Variants in GRB14 observed in about 807,000 individuals in gnomAD.
The protein encoded by GRB14 is growth factor receptor-bound protein 14.
Under a neutral mutation model 69.1 loss-of-function variants are expected in GRB14, and 38 were observed. The observed-to-expected ratio is 0.55, with a 90% confidence interval of 0.42 to 0.72. The LOEUF is 0.72. GRB14 is among the 30% of genes least tolerant of loss of function. The pLI is 0.00. For synonymous variants in GRB14, 247 were observed against 241.3 expected (o/e 1.02, Z -0.22); for missense variants, 666 against 666.1 (o/e 1.00, Z 0.00).
At chr2:164,547,924 T>A (rs556257563) in intron 2 of GRB14, 108 bp from the exon 3 acceptor site, 1 of 645,610 alleles carries the variant, frequency 1.5e-6, no homozygotes, top group African/African-American at 1.8e-5. Context: ...GAGATATATA[T>A]AAATAAATAG....
intron 1 of GRB14, 60 bp from the exon 2 acceptor site, chr2:164,619,879 G>A (rs756399615): frequency 1.4e-6 from 2 of 1,437,106 alleles, no homozygotes; most frequent in Non-Finnish European, 1.9e-6. Context: ...TATAATTGCT[G>A]TCAGGAATAA....
intron 2 of GRB14, among the ~76,000 whole-genome samples, chr2:164,561,450 T>C (rs1330720281): frequency 6.6e-6 from 1 of 152,190 alleles, no homozygotes; most frequent in Non-Finnish European, 1.5e-5. Context: ...TGAATCACTA[T>C]GTCTTTGAGG....
rs926316586 is a variant in GRB14 at position 164,621,333 on chromosome 2, C to A, written c.-24G>T. The A allele has an allele frequency of 7.8e-7, 1 of 1,278,300 alleles. No homozygotes were observed. Among genetic ancestry groups the A allele is most frequent in the South Asian group, 3.4e-5 (1 of 29,230 alleles). The allele number at this position is 1,278,300 out of a possible 1,614,324, so 79.2% of individuals were successfully genotyped here. On this transcript the variant is annotated 5_prime_UTR_variant, in exon 1 of 14. Coordinates refer to ENST00000263915, the MANE Select transcript of GRB14 (RefSeq NM_004490.3). This position sits in a 1 kb window ranked among gnomAD's most constrained non-coding sequence, Gnocchi z 6.0. ...ATTGTCGCCGGCCGGGGGGCTCGGG[C>A]GTCATGGGAGACTCGGCGCGTGGGG...
intron 2 of GRB14, among the ~76,000 whole-genome samples, chr2:164,601,181 T>C (rs1416953728): frequency 1.3e-5 from 2 of 152,106 alleles, no homozygotes; most frequent in African/African-American, 2.4e-5. Context: ...CTTAGAATGA[T>C]CCAATTTCCC....
At chr2:164,605,367 T>G (rs1486532076) in intron 2 of GRB14, among the ~76,000 whole-genome samples, 1 of 152,158 alleles carries the variant, frequency 6.6e-6, no homozygotes, top group African/African-American at 2.4e-5. Context: ...GGAAGAGTAT[T>G]CACTTGTTTT....
chr2:164,620,785 T>C (rs1045324568), intron 1 of GRB14, among the ~76,000 whole-genome samples: 2 of 152,174 alleles, frequency 1.3e-5, no homozygotes, highest in African/African-American at 2.4e-5. Context: ...TTTTAAAATA[T>C]ATAAAATAAA....
Position 164,580,096 on chromosome 2 carries a change from ATTTTT to A in GRB14, c.325-32285_325-32281del, listed in dbSNP as rs57336288. ...TATTTCTAGTAGCATTCTATGATAC[ATTTTT>A]TTTTTTTTTTTGAGACAGAGTCTTG... is the stretch of plus-strand genomic sequence containing the variant. On this transcript the variant is annotated intron_variant, in intron 2 of 13. Coordinates refer to ENST00000263915, the MANE Select transcript of GRB14 (RefSeq NM_004490.3). Among the ~76,000 whole-genome samples the A allele has an allele frequency of 9.6e-4, 128 of 133,412 alleles. 2 individuals carry two copies. The highest frequency in any genetic ancestry group is 3.3e-3 in the African/African-American group (119 of 36,588). 87.5% of individuals were successfully genotyped at this position (133,412 alleles called of 152,430 possible).
At chr2:164,550,674 A>C (rs1484192809) in intron 2 of GRB14, among the ~76,000 whole-genome samples, 1 of 152,200 alleles carries the variant, frequency 6.6e-6, no homozygotes, top group Non-Finnish European at 1.5e-5. Flanking sequence ...TTTAGGCATT[A>C]CATGTCCAGC....
intron 2 of GRB14, among the ~76,000 whole-genome samples, chr2:164,603,643 A>G (rs1478972041): frequency 1.4e-5 from 2 of 146,784 alleles, no homozygotes; most frequent in Non-Finnish European, 3.0e-5. Flanking sequence ...AACCTGGGTG[A>G]CAGAGTGAGA....
At chr2:164,566,858 G>A (rs1295221873) in intron 2 of GRB14, among the ~76,000 whole-genome samples, 1 of 152,082 alleles carries the variant, frequency 6.6e-6, no homozygotes, top group Admixed American at 6.6e-5. Flanking sequence ...ATACAGATGA[G>A]GAAGTAAAGA....
At chr2:164,560,792 C>T (rs538193336) in intron 2 of GRB14, among the ~76,000 whole-genome samples, 1 of 152,160 alleles carries the variant, frequency 6.6e-6, no homozygotes, top group African/African-American at 2.4e-5. Context: ...TGAATGTATA[C>T]GTTCAAATAT....
At chr2:164,589,044 C>T (rs1559063769) in intron 2 of GRB14, among the ~76,000 whole-genome samples, 1 of 152,076 alleles carries the variant, frequency 6.6e-6, no homozygotes, top group South Asian at 2.1e-4. Context: ...TTGCAAGTAA[C>T]TTTGATGAGG....
intron 6 of GRB14, 113 bp downstream of exon 6, chr2:164,521,867 C>A: frequency 1.0e-6 from 1 of 984,954 alleles, no homozygotes. Flanking sequence ...TCAAGAAAAT[C>A]AAAGACCAAC....
rs2105328011 is a variant in GRB14, at chr2:164,568,006, CT to C, written c.325-20191del. On this transcript the variant is annotated intron_variant, in intron 2 of 13. Transcript: ENST00000263915. ...TCCTACTGAGCTAAAAACAAAGAGG[CT>C]TGAAGTTACAGTAGAAAGAAAAAAA... Among the ~76,000 whole-genome samples, 2 of 152,014 alleles carry C rather than the reference CT, an allele frequency of 1.3e-5. 1 individual carries two copies. Among genetic ancestry groups the C allele is most frequent in the Admixed American group, 1.3e-4 (2 of 15,276 alleles).
chr2:164,535,030 C>T (rs1351183205), intron 3 of GRB14, among the ~76,000 whole-genome samples: 1 of 152,098 alleles, frequency 6.6e-6, no homozygotes, highest in East Asian at 1.9e-4. Flanking sequence ...TCAACTACCA[C>T]TCATATGTAG....
At position 164,494,466 on chromosome 2, in the gene GRB14, G is replaced by T. The variant is rs1206043213; in HGVS notation, c.1441C>A (p.His481Asn). The change falls in exon 13 of 14, where the codon CAT becomes AAT. Residue 481 changes from histidine to asparagine, a missense_variant. His to Asn is a moderately conservative substitution (Grantham distance 68, BLOSUM62 1). Coordinates refer to ENST00000263915, the MANE Select transcript of GRB14 (RefSeq NM_004490.3). ...TGAAAGTGCTTTATTTTTTGTCCAT[G>T]ACTCATTGACAGTACGAAAGTTTTG... ...NPKTFVLSMSHGQKIKHFQII... is the reference protein window; with the variant it reads ...NPKTFVLSMSNGQKIKHFQII... The T allele has an allele frequency of 3.1e-6, 5 of 1,601,320 alleles. No individual in the cohort carries two copies. The highest frequency in any genetic ancestry group is 4.3e-6 in the Non-Finnish European group (5 of 1,168,646).
At chr2:164,602,093 CA>C (rs937124977) in intron 2 of GRB14, among the ~76,000 whole-genome samples, 31 of 127,122 alleles carry the variant, frequency 2.4e-4, no homozygotes, top group African/African-American at 8.8e-4. Flanking sequence ...ATTTATAAAA[CA>C]AAACACTTTT....
intron 2 of GRB14, among the ~76,000 whole-genome samples, chr2:164,586,029 T>G (rs1300227838): frequency 6.6e-6 from 1 of 152,146 alleles, no homozygotes. Flanking sequence ...ATGTTACACA[T>G]AAGAGATGCA....
intron 3 of GRB14, among the ~76,000 whole-genome samples, chr2:164,535,574 A>G (rs1352839262): frequency 6.6e-6 from 1 of 152,228 alleles, no homozygotes; most frequent in Non-Finnish European, 1.5e-5. Flanking sequence ...TTTTTACAGG[A>G]AACTCCAGGA....
Sources: gnomAD v4.1 joint callset for allele counts (sites outside exome capture counted in the v4.1 genomes callset) on GRCh38, gnomAD v4.1.1 for gene constraint, Gnocchi (gnomAD v3.1) non-coding constraint, MANE v1.5 for transcripts, NCBI Gene and HGNC (gene_info 2026-07-23, HGNC 2026-07-21) for gene names.